The following RBFOX1 variants were observed in gnomAD, a reference collection of about 807,000 sequenced individuals.
RBFOX1 encodes the protein RNA binding protein fox-1 homolog 1.
RBFOX1 carries 8 observed loss-of-function variants against 57.7 expected under a neutral mutation model. That is an observed-to-expected ratio of 0.14 (90% confidence interval 0.08 to 0.25). RBFOX1 has a LOEUF of 0.25. Ranked by LOEUF, RBFOX1 falls within the 10% of genes least tolerant of loss-of-function variation. The probability of loss-of-function intolerance (pLI) is 1.00; values close to 1 mark genes in which losing one functional copy is unlikely to be tolerated. For synonymous variants in RBFOX1, 326 were observed against 222.4 expected (o/e 1.47, Z -4.15); for missense variants, 611 against 548.5 (o/e 1.11, Z -1.14).
At chr16:7,610,851 C>G (rs1182676157) in intron 10 of RBFOX1, among the ~76,000 whole-genome samples, 1 of 152,202 alleles carries the variant, frequency 6.6e-6, no homozygotes, top group Non-Finnish European at 1.5e-5. Context: ...ATAATTATTA[C>G]TGTCACGCAT....
At chr16:6,280,682 A>G (rs148109813) in intron 1 of RBFOX1, among the ~76,000 whole-genome samples, 282 of 152,160 alleles carry the variant, frequency 1.9e-3, no homozygotes, top group Middle Eastern at 0.01. Flanking sequence ...AAATTATATA[A>G]CCAAAATTCA....
chr16:7,066,097 G>C (rs1011700141), intron 4 of RBFOX1, among the ~76,000 whole-genome samples: 2 of 152,194 alleles, frequency 1.3e-5, no homozygotes, highest in African/African-American at 4.8e-5. Context: ...GATAGTATTT[G>C]CATGAGAATC....
intron 3 of RBFOX1, among the ~76,000 whole-genome samples, chr16:6,685,268 T>G (rs1258125137): frequency 1.0e-5 from 1 of 99,356 alleles, no homozygotes. Flanking sequence ...AGAGGGAGAG[T>G]TTTTCTTTTT....
At chr16:6,563,987 A>T (rs1011852604) in intron 2 of RBFOX1, among the ~76,000 whole-genome samples, 29 of 152,046 alleles carry the variant, frequency 1.9e-4, no homozygotes, top group African/African-American at 7.0e-4. Flanking sequence ...TTTGGAGGGG[A>T]CAGACATGTA....
At chr16:7,326,939 T>A (rs1232830278) in intron 4 of RBFOX1, among the ~76,000 whole-genome samples, 2 of 152,114 alleles carry the variant, frequency 1.3e-5, no homozygotes, top group African/African-American at 4.8e-5. Flanking sequence ...AAAACTTCAT[T>A]TGCTAGTGGA....
intron 3 of RBFOX1, among the ~76,000 whole-genome samples, chr16:6,796,649 C>G (rs1015873638): frequency 6.6e-6 from 1 of 152,134 alleles, no homozygotes; most frequent in Non-Finnish European, 1.5e-5. Context: ...TAAAAATTTT[C>G]TCTTGTAATT....
intron 4 of RBFOX1, among the ~76,000 whole-genome samples, chr16:7,139,094 A>G (rs2072873755): frequency 6.6e-6 from 1 of 151,956 alleles, no homozygotes; most frequent in Non-Finnish European, 1.5e-5. Flanking sequence ...ATGAGCCACC[A>G]TGCATGGTCA....
Position 6,600,252 on chromosome 16 carries a change from C to T in RBFOX1, c.-63-54351C>T, listed in dbSNP as rs368034077. 2.6e-5 allele frequency among the ~76,000 whole-genome samples: 4 copies of T among 152,016 alleles called. No individual in the cohort carries two copies. The East Asian group carries it at 5.8e-4, about 22-fold the overall frequency. ...GAACACGAAATCCACCAGACAGAAT[C>T]TCGGGGCTTTTGTTCTCAGTCCTCC... On this transcript the variant is annotated intron_variant, in intron 2 of 15. Coordinates refer to ENST00000550418, the MANE Select transcript of RBFOX1 (RefSeq NM_018723.4).
chr16:6,923,968 GAGACC>G (rs1371149026), intron 3 of RBFOX1, among the ~76,000 whole-genome samples: 1 of 151,784 alleles, frequency 6.6e-6, no homozygotes, highest in African/African-American at 2.4e-5. Context: ...TTAGGAGTTT[GAGACC>G]ATCCTGGCCA....
intron 3 of RBFOX1, among the ~76,000 whole-genome samples, chr16:6,930,120 T>G (rs946872809): frequency 2.6e-5 from 4 of 152,208 alleles, no homozygotes; most frequent in African/African-American, 9.7e-5. Flanking sequence ...AGAAGCTCCA[T>G]GTGAGCCCCT....
intron 4 of RBFOX1, among the ~76,000 whole-genome samples, chr16:5,968,240 A>G (rs530705659): frequency 2.0e-5 from 3 of 151,776 alleles, no homozygotes; most frequent in Non-Finnish European, 2.9e-5. Flanking sequence ...ATGCCCGGTT[A>G]ATTTTTGTAT....
In RBFOX1 at chr16:7,271,158, A is replaced by C. The variant is rs17143201; in HGVS notation, c.27+219060A>C. 4.2e-3 allele frequency among the ~76,000 whole-genome samples: 645 copies of C among 152,270 alleles called. 2 individuals carry two copies. Among genetic ancestry groups the C allele is most frequent in the African/African-American group, 0.015 (611 of 41,564 alleles). ...CAGCCTAAATATAAAATTCACGTCCATATTCTTAGTGTCCTTTTCCCCTAA... is the reference window on the plus strand; with the variant it reads ...CAGCCTAAATATAAAATTCACGTCCCTATTCTTAGTGTCCTTTTCCCCTAA... On this transcript the variant is annotated intron_variant, in intron 4 of 15. Transcript: ENST00000550418.
chr16:5,254,569 C>T (rs2062536036), intron 1 of RBFOX1, among the ~76,000 whole-genome samples: 1 of 152,224 alleles, frequency 6.6e-6, no homozygotes. Context: ...ATTAACACTT[C>T]TCTTGACTGC....
intron 1 of RBFOX1, among the ~76,000 whole-genome samples, chr16:6,096,678 C>T (rs185633268): frequency 8.1e-4 from 123 of 152,164 alleles, no homozygotes; most frequent in East Asian, 1.5e-3. Flanking sequence ...TATCATGTAC[C>T]GATGTTTAAA....
At chr16:6,766,573 A>G (rs2077361213) in intron 3 of RBFOX1, among the ~76,000 whole-genome samples, 1 of 151,864 alleles carries the variant, frequency 6.6e-6, no homozygotes, top group Non-Finnish European at 1.5e-5. Context: ...ATCAGTGTCT[A>G]ATGAGGTACC....
chr16:6,957,208 T>C lies in RBFOX1; in HGVS notation c.-15-94849T>C, dbSNP rs566885529. ...GTGCAGTGGTGTGATCTCGGCTCAC[T>C]GCAAGCTCCGCCTCCCGGGTTCACG... On this transcript the variant is annotated intron_variant, in intron 3 of 15. Coordinates refer to ENST00000550418, the MANE Select transcript of RBFOX1 (RefSeq NM_018723.4). Among the ~76,000 whole-genome samples the C allele has an allele frequency of 3.3e-5, 5 of 151,258 alleles. No homozygotes were observed. The East Asian group carries it at 7.8e-4, about 24-fold the overall frequency.
intron 5 of RBFOX1, chr16:7,519,710 G>T: frequency 5.1e-6 from 5 of 985,320 alleles, no homozygotes; most frequent in Non-Finnish European, 6.0e-6. Context: ...CATTTTTTGA[G>T]TGTAAGGCAA....
intron 4 of RBFOX1, among the ~76,000 whole-genome samples, chr16:7,429,017 C>G (rs757872361): frequency 3.3e-5 from 5 of 152,130 alleles, no homozygotes; most frequent in Non-Finnish European, 5.9e-5. Flanking sequence ...GTCCTTGATT[C>G]TACTGTGAGA....
intron 3 of RBFOX1, among the ~76,000 whole-genome samples, chr16:5,749,300 T>G (rs1169339001): frequency 2.0e-5 from 3 of 152,194 alleles, no homozygotes; most frequent in Admixed American, 2.0e-4. Context: ...CCTTAACATT[T>G]TTTCCTTCAT....
Sources: allele counts gnomAD v4.1 joint callset (sites outside exome capture counted in the v4.1 genomes callset), GRCh38; gene constraint gnomAD v4.1.1; transcripts MANE v1.5; gene names NCBI Gene and HGNC (gene_info 2026-07-23, HGNC 2026-07-21).